The following GABRR1 variants were observed in gnomAD, a reference collection of about 807,000 sequenced individuals.
The protein encoded by GABRR1 is gamma-aminobutyric acid type A receptor subunit rho1.
A neutral mutation model predicts 55.5 loss-of-function variants in GABRR1; 59 were observed. That is an observed-to-expected ratio of 1.06 (90% confidence interval 0.86 to 1.32). The LOEUF (loss-of-function observed/expected upper bound fraction) is 1.32. GABRR1 is among the 40% of genes most tolerant of loss of function. GABRR1 has a pLI of 0.00. For synonymous variants in GABRR1, 213 were observed against 226.0 expected (o/e 0.94, Z 0.51); for missense variants, 602 against 619.1 (o/e 0.97, Z 0.29).
chr6:89,198,352 C>G, intron 4 of GABRR1, 109 bp from the exon 5 acceptor site: 1 of 845,756 alleles, frequency 1.2e-6, no homozygotes, highest in Non-Finnish European at 2.0e-6. Flanking sequence ...GAAACCGAAC[C>G]AAGAGAGGTT....
intron 1 of GABRR1, among the ~76,000 whole-genome samples, chr6:89,226,357 G>A (rs1408969060): frequency 7.0e-6 from 1 of 143,816 alleles, no homozygotes; most frequent in African/African-American, 2.7e-5. Context: ...TGTCCTGAAT[G>A]GTAATGCCTA....
At chr6:89,210,561 A>T (rs550255334) in intron 1 of GABRR1, among the ~76,000 whole-genome samples, 1 of 152,140 alleles carries the variant, frequency 6.6e-6, no homozygotes, top group Non-Finnish European at 1.5e-5. Flanking sequence ...CCCCCACTAG[A>T]CTGTCAGCAC....
At chr6:89,193,948 TC>T (rs1406985327) in intron 5 of GABRR1, among the ~76,000 whole-genome samples, 1 of 151,688 alleles carries the variant, frequency 6.6e-6, no homozygotes. Context: ...ATGGAAAATC[TC>T]CCCCCAACTC....
At chr6:89,212,351 C>G (rs1205575419) in intron 1 of GABRR1, among the ~76,000 whole-genome samples, 1 of 70,282 alleles carries the variant, frequency 1.4e-5, no homozygotes, top group African/African-American at 4.8e-5. Flanking sequence ...GTCATAGACT[C>G]TGGATTACTT....
intron 5 of GABRR1, among the ~76,000 whole-genome samples, chr6:89,195,453 A>G (rs9451177): frequency 0.26 from 39,205 of 148,990 alleles, 5,375 homozygotes; most frequent in Non-Finnish European, 0.3. Context: ...GCAGAGTAAG[A>G]CTCCGTCTCC....
upstream of GABRR1, among the ~76,000 whole-genome samples, chr6:89,219,020 C>G (rs1773071664): frequency 6.6e-6 from 1 of 152,148 alleles, no homozygotes; most frequent in South Asian, 2.1e-4. Context: ...AATCCCAGCA[C>G]TTTGGGAGGC....
At chr6:89,186,306 C>T (rs1353131376) in intron 6 of GABRR1, among the ~76,000 whole-genome samples, 1 of 152,190 alleles carries the variant, frequency 6.6e-6, no homozygotes, top group Admixed American at 6.5e-5. Flanking sequence ...GTAGATGTGA[C>T]TAATATCTAC....
At chr6:89,193,089 T>G (rs1295337259) in intron 5 of GABRR1, among the ~76,000 whole-genome samples, 1 of 152,154 alleles carries the variant, frequency 6.6e-6, no homozygotes, top group Non-Finnish European at 1.5e-5. Context: ...GTCCTAAGCA[T>G]TGGGTTCTGT....
chr6:89,196,822 G>GGAAA (rs59446411), intron 5 of GABRR1, among the ~76,000 whole-genome samples: 9,185 of 90,954 alleles, frequency 0.1, 492 homozygotes, highest in East Asian at 0.16. Context: ...AAGAAAAGAA[G>GGAAA]GAAAGAAAGA....
chr6:89,197,875 T>C (rs569255489), intron 5 of GABRR1, 145 bp downstream of exon 5: 8 of 648,802 alleles, frequency 1.2e-5, no homozygotes, highest in African/African-American at 1.1e-4. Context: ...TTTCTACTCA[T>C]GTATAAAGTT....
At chr6:89,194,095 T>G (rs999243236) in intron 5 of GABRR1, among the ~76,000 whole-genome samples, 1 of 152,168 alleles carries the variant, frequency 6.6e-6, no homozygotes, top group African/African-American at 2.4e-5. Flanking sequence ...GAAATAGCCC[T>G]GAGAACAGGC....
chr6:89,217,287 A>T lies in GABRR1; in HGVS notation c.36T>A (p.Phe12Leu), dbSNP rs1240449109. ...CCAAAACCCATCCCCACCACAAAAG[A>T]AAGATGCCAAATCTCATATTTGGGA... ...LAVPNMRFGI[F>L]LLWWGWVLAT... The change falls in exon 1 of 10, where the codon TTT becomes TTA. Residue 12 changes from phenylalanine (F) to leucine (L), a missense_variant. This residue lies in a region of GABRR1 where 435 missense variants were observed against 424.2 expected (regional missense o/e 1.03). Coordinates refer to ENST00000454853, the MANE Select transcript of GABRR1 (RefSeq NM_002042.5). 21 of 1,614,050 alleles carry T rather than the reference A, an allele frequency of 1.3e-5. No individual in the cohort carries two copies. Among genetic ancestry groups the T allele is most frequent in the Non-Finnish European group, 1.8e-5 (21 of 1,180,028 alleles).
At chr6:89,222,380 G>T (rs1486797882) in intron 1 of GABRR1, among the ~76,000 whole-genome samples, 1 of 152,198 alleles carries the variant, frequency 6.6e-6, no homozygotes, top group Non-Finnish European at 1.5e-5. Flanking sequence ...AACCCACTTT[G>T]TGGGGCTCCT....
Position 89,185,368 on chromosome 6 carries a change from G to C in GABRR1, c.738C>G (p.Ser246=). Residue 246 remains serine, a synonymous_variant, in exon 7 of 10, where the codon TCC becomes TCG. Coordinates refer to ENST00000454853, the MANE Select transcript of GABRR1 (RefSeq NM_002042.5). ...TGTGGAATTCCTGAATGAGGAACTG[G>C]GAGAGTGAGATCCGTTCATCTGTCT... The part of the protein sequence containing the change: ...SLKTDERISL[S]QFLIQEFHTT... 1 of 1,613,920 alleles carries C rather than the reference G, an allele frequency of 6.2e-7. No homozygotes were observed. Among genetic ancestry groups the C allele is most frequent in the Non-Finnish European group, 8.5e-7 (1 of 1,179,834 alleles).
chr6:89,205,241 G>T (rs547639958), intron 1 of GABRR1, among the ~76,000 whole-genome samples: 3 of 152,306 alleles, frequency 2.0e-5, no homozygotes, highest in Admixed American at 2.0e-4. Flanking sequence ...CTGGCTCCAG[G>T]GTTGGAAGCA....
intron 5 of GABRR1, among the ~76,000 whole-genome samples, chr6:89,195,537 A>C (rs964745448): frequency 2.0e-4 from 31 of 152,206 alleles, no homozygotes; most frequent in African/African-American, 7.0e-4. Flanking sequence ...AGGAAGTAGA[A>C]GAATATTTTC....
chr6:89,199,396 A>G lies in GABRR1; in HGVS notation c.314T>C (p.Val105Ala), dbSNP rs1772395959. 3.1e-6 allele frequency: 5 copies of G among 1,613,878 alleles called. No homozygotes were observed. The highest frequency in any genetic ancestry group is 1.1e-5 in the South Asian group (1 of 91,062). Residue 105 changes from valine (V) to alanine (A), a missense_variant, in exon 4 of 10, where the codon GTG becomes GCG. Around this residue, in one of 3 missense-constraint regions of GABRR1, gnomAD observed 435 missense variants for 424.2 expected, o/e 1.03. Transcript: ENST00000454853. ...PAIPVGVDVQ[V>A]ESLDSISEVD... is the part of the protein sequence containing the mutation. ...CTCTGAGATGCTATCCAAACTCTCC[A>G]CCTGCACATCCACACCAACAGGAAT...
rs143041889 is a variant in GABRR1, at chr6:89,181,981, G to A, written c.873C>T (p.Pro291=). Residue 291 remains proline (P), a synonymous_variant, in exon 8 of 10, where the codon CCC becomes CCT. Transcript: ENST00000454853. ...AGGACAGCATGACCATCAGGGTAGC[G>A]GGGAAATAAGTTTGGAGCAAGAAGA... is the stretch of plus-strand genomic sequence containing the variant. ...IFFFLLQTYF[P]ATLMVMLSWV... 87 of 1,614,130 alleles carry A rather than the reference G, an allele frequency of 5.4e-5. No homozygotes were observed. The African/African-American group carries it at 8.8e-4, about 16-fold the overall frequency.
intron 8 of GABRR1, among the ~76,000 whole-genome samples, 168 bp from the exon 9 acceptor site, chr6:89,180,656 C>T (rs407221): frequency 0.8 from 121,589 of 152,090 alleles, 49,241 homozygotes; most frequent in African/African-American, 0.93. Context: ...TAGCTTTTCA[C>T]GAAGCTTTTC....
Sources: gnomAD v4.1 joint callset for allele counts (sites outside exome capture counted in the v4.1 genomes callset) on GRCh38, gnomAD v4.1.1 for gene constraint, gnomAD v4.1.1 regional missense constraint, MANE v1.5 for transcripts, NCBI Gene and HGNC (gene_info 2026-07-23, HGNC 2026-07-21) for gene names.